DNAJC3: variants seen among roughly 807,000 people sequenced by gnomAD.
DNAJC3 encodes DnaJ heat shock protein family (Hsp40) member C3, also known as dnaJ homolog subfamily C member 3.
Under a neutral mutation model 68.6 loss-of-function variants are expected in DNAJC3, and 38 were observed. The observed-to-expected ratio is 0.55, with a 90% CI of 0.43 to 0.73. The LOEUF (loss-of-function observed/expected upper bound fraction) is 0.73, where lower values mean the gene tolerates loss of function less well. DNAJC3 is among the 30% of genes least tolerant of loss of function. DNAJC3 has a pLI of 0.00. For missense variants in DNAJC3, 526 were observed against 591.9 expected (o/e 0.89, Z 1.16); for synonymous variants, 203 against 204.0 (o/e 1.00, Z 0.04).
At position 95,754,575 on chromosome 13, in the gene DNAJC3, A is replaced by T. The variant is rs61975194; in HGVS notation, c.394-3069A>T. On this transcript the variant is annotated intron_variant, in intron 4 of 11. Transcript: ENST00000602402. ...AAAAGGCCAGGCATGGGCTGGGTGC[A>T]GTGGCTCACGCCTGTAATCCCAGCA... Among the ~76,000 whole-genome samples, 1,309 of 152,196 alleles carry T rather than the reference A, an allele frequency of 8.6e-3. 12 individuals are homozygous for T. The highest frequency in any genetic ancestry group is 0.012 in the Non-Finnish European group (808 of 67,990).
intron 2 of DNAJC3, among the ~76,000 whole-genome samples, chr13:95,709,800 C>T (rs1193484272): frequency 3.3e-5 from 5 of 151,952 alleles, no homozygotes; most frequent in Admixed American, 6.6e-5. Context: ...CCACCACTCC[C>T]GGCTAATTTT....
chr13:95,728,452 T>C (rs145837287), intron 4 of DNAJC3, among the ~76,000 whole-genome samples: 1,528 of 152,374 alleles, frequency 0.01, 34 homozygotes, highest in African/African-American at 0.035. Flanking sequence ...CCTGTGCTTA[T>C]TTGCCATCTG....
chr13:95,717,518 A>G (rs1236726348), intron 2 of DNAJC3, among the ~76,000 whole-genome samples: 1 of 152,216 alleles, frequency 6.6e-6, no homozygotes, highest in Non-Finnish European at 1.5e-5. Flanking sequence ...GGGTGAGCTG[A>G]GAGAATGAGT....
intron 4 of DNAJC3, among the ~76,000 whole-genome samples, chr13:95,741,818 C>G (rs562742506): frequency 6.6e-6 from 1 of 152,260 alleles, no homozygotes; most frequent in East Asian, 1.9e-4. Context: ...AAGGAGTGCT[C>G]AGGTGCCAAT....
chr13:95,701,041 G>A (rs1880572904), intron 1 of DNAJC3, among the ~76,000 whole-genome samples: 1 of 152,096 alleles, frequency 6.6e-6, no homozygotes, highest in African/African-American at 2.4e-5. Flanking sequence ...TTTTTGGATG[G>A]TCAGTTTCCC....
At chr13:95,787,404 AAAG>A (rs1407215257) in intron 11 of DNAJC3, among the ~76,000 whole-genome samples, 1 of 152,188 alleles carries the variant, frequency 6.6e-6, no homozygotes, top group Non-Finnish European at 1.5e-5. Context: ...TTTTCTACTC[AAAG>A]AAGTTATCAG....
intron 9 of DNAJC3, among the ~76,000 whole-genome samples, chr13:95,771,345 A>AG (rs1227571039): frequency 3.9e-5 from 6 of 152,178 alleles, no homozygotes; most frequent in Admixed American, 1.3e-4. Context: ...ACTTTATTCA[A>AG]GGGGGACTAT....
intron 1 of DNAJC3, among the ~76,000 whole-genome samples, chr13:95,688,942 GT>G (rs1180714551): frequency 6.7e-6 from 1 of 150,048 alleles, no homozygotes; most frequent in Admixed American, 6.6e-5. Flanking sequence ...GTGTGTGTGT[GT>G]GTGTGTGTGT....
intron 2 of DNAJC3, among the ~76,000 whole-genome samples, chr13:95,714,702 G>A (rs889429589): frequency 1.3e-5 from 2 of 152,306 alleles, no homozygotes; most frequent in East Asian, 3.9e-4. Context: ...ACTGTCTTCA[G>A]TGCTTCAGCA....
chr13:95,785,619 C>T (rs745703383), intron 9 of DNAJC3, among the ~76,000 whole-genome samples: 47 of 150,910 alleles, frequency 3.1e-4, no homozygotes, highest in African/African-American at 1.0e-3. Flanking sequence ...CCACCATGCC[C>T]GGCTAATTTT....
At chr13:95,705,341 A>G (rs1329329242) in intron 1 of DNAJC3, among the ~76,000 whole-genome samples, 3 of 152,126 alleles carry the variant, frequency 2.0e-5, no homozygotes, top group Non-Finnish European at 4.4e-5. Context: ...CTCATGGTTC[A>G]GTGCTGCTGC....
At chr13:95,779,115 C>CTTTCTT (rs1566513833) in intron 9 of DNAJC3, among the ~76,000 whole-genome samples, 13 of 122,290 alleles carry the variant, frequency 1.1e-4, no homozygotes, top group South Asian at 2.7e-4. Context: ...ATATTTTCTT[C>CTTTCTT]TTTCTTTTTT....
At chr13:95,694,860 G>C (rs557711102) in intron 1 of DNAJC3, 4 of 152,682 alleles carry the variant, frequency 2.6e-5, no homozygotes, top group African/African-American at 7.2e-5. Context: ...CTTCCTGCAC[G>C]TTGGCCAAGG....
intron 4 of DNAJC3, among the ~76,000 whole-genome samples, chr13:95,725,678 T>A (rs527770058): frequency 4.4e-4 from 67 of 152,050 alleles, no homozygotes; most frequent in African/African-American, 1.5e-3. Context: ...TCTCTTTTTT[T>A]TTATTATTAT....
chr13:95,731,170 TAAA>T (rs57900418), intron 4 of DNAJC3, among the ~76,000 whole-genome samples: 1 of 151,944 alleles, frequency 6.6e-6, no homozygotes, highest in Non-Finnish European at 1.5e-5. Context: ...TTTACTGAAT[TAAA>T]AAAAATAGTT....
At chr13:95,690,619 C>G (rs1324418192) in intron 1 of DNAJC3, among the ~76,000 whole-genome samples, 2 of 144,678 alleles carry the variant, frequency 1.4e-5, no homozygotes, top group Non-Finnish European at 3.1e-5. Flanking sequence ...GGGGGGCTGA[C>G]CCCCCCACCT....
At chr13:95,746,691 A>T (rs1328394582) in intron 4 of DNAJC3, among the ~76,000 whole-genome samples, 1 of 152,202 alleles carries the variant, frequency 6.6e-6, no homozygotes, top group East Asian at 1.9e-4. Context: ...TTGTGTAATG[A>T]TCATTTACCA....
Position 95,705,815 on chromosome 13 carries a change from A to T in DNAJC3, c.83-3412A>T, listed in dbSNP as rs528487003. Among the ~76,000 whole-genome samples, 4 of 152,292 alleles carry T rather than the reference A, an allele frequency of 2.6e-5. No homozygotes were observed. The South Asian group carries it at 8.3e-4, about 32-fold the overall frequency. On this transcript the variant is annotated intron_variant, in intron 1 of 11. Coordinates refer to ENST00000602402, the MANE Select transcript of DNAJC3 (RefSeq NM_006260.5). ...TGGCCTCACAAAGTGTTGGGATTACAGACTTGAGCTACTGTGCCTGGCCAC... is the reference window on the plus strand; with the variant it reads ...TGGCCTCACAAAGTGTTGGGATTACTGACTTGAGCTACTGTGCCTGGCCAC...
chr13:95,787,116 A>G lies in DNAJC3; in HGVS notation c.1318A>G (p.Ile440Val), dbSNP rs1594032267. 2 of 1,614,022 alleles carry G rather than the reference A, an allele frequency of 1.2e-6. No individual in the cohort carries two copies. The highest frequency in any genetic ancestry group is 1.1e-5 in the South Asian group (1 of 91,038). ...AAAGAAAAAAGCTGAGAAAAAGTTC[A>G]TTGATATAGCAGCTGCTAAAGAAGT... ...EEKKKAEKKF[I>V]DIAAAKEVLS... is the part of the protein sequence containing the mutation. The change falls in exon 11 of 12, where the codon ATT (isoleucine) becomes GTT (valine). Residue 440 changes from isoleucine to valine, a missense_variant. Physicochemically the swap from Ile to Val is conservative, Grantham distance 29. Coordinates refer to ENST00000602402, the MANE Select transcript of DNAJC3 (RefSeq NM_006260.5).
Sources: allele counts gnomAD v4.1 joint callset (sites outside exome capture counted in the v4.1 genomes callset), GRCh38; gene constraint gnomAD v4.1.1; transcripts MANE v1.5; gene names NCBI Gene and HGNC (gene_info 2026-07-23, HGNC 2026-07-21).